The following LPCAT1 variants were observed in gnomAD, a reference collection of about 807,000 sequenced individuals.
LPCAT1 encodes the protein lysophosphatidylcholine acyltransferase 1.
In LPCAT1, 23 loss-of-function variants were observed where a neutral mutation model predicts 60.9. The observed-to-expected ratio is 0.38, with a 90% CI of 0.27 to 0.53. The LOEUF (loss-of-function observed/expected upper bound fraction) is 0.53, where lower values mean the gene tolerates loss of function less well. LPCAT1 is among the 20% of genes least tolerant of loss of function. The pLI, the probability that LPCAT1 is intolerant of heterozygous loss-of-function variation, is 0.82. For synonymous variants in LPCAT1, 340 were observed against 301.1 expected (o/e 1.13, Z -1.34); for missense variants, 622 against 723.6 (o/e 0.86, Z 1.61).
At chr5:1,488,297 C>T in intron 5 of LPCAT1, 94 bp downstream of exon 5, 1 of 748,062 alleles carries the variant, frequency 1.3e-6, no homozygotes, top group Non-Finnish European at 2.2e-6. Flanking sequence ...AAAACAGAAA[C>T]TGTTCTTATG....
At position 1,491,270 on chromosome 5, in the gene LPCAT1, A is replaced by C. The variant is rs202247241; in HGVS notation, c.494-1412T>G. On this transcript the variant is annotated intron_variant, in intron 3 of 13. Coordinates refer to ENST00000283415, the MANE Select transcript of LPCAT1 (RefSeq NM_024830.5). ...TCGCAGGATGGCGCACGCGTCAAAGAAATGGCCCTGATTGCGTGGTCTTTC... is the reference window on the plus strand; with the variant it reads ...TCGCAGGATGGCGCACGCGTCAAAGCAATGGCCCTGATTGCGTGGTCTTTC... 1.9e-3 allele frequency among the ~76,000 whole-genome samples: 186 copies of C among 100,012 alleles called. 1 individual carries two copies. The South Asian group carries it at 0.039, about 21-fold the overall frequency. The allele number at this position is 100,012 out of a possible 152,430, so 65.6% of individuals were successfully genotyped here. A position where few individuals can be genotyped will look rare whatever the true frequency, so the allele number is the denominator to read the frequency against.
At chr5:1,468,887 G>A (rs1245734601) in intron 12 of LPCAT1, among the ~76,000 whole-genome samples, 6 of 152,312 alleles carry the variant, frequency 3.9e-5, no homozygotes, top group South Asian at 2.1e-4. Context: ...TCTCTCACAC[G>A]AGACTGCTCC....
chr5:1,473,288 G>A (rs1373699234), intron 11 of LPCAT1, among the ~76,000 whole-genome samples: 1 of 152,242 alleles, frequency 6.6e-6, no homozygotes, highest in Non-Finnish European at 1.5e-5. Flanking sequence ...AGCTCCTCCA[G>A]GACCACAGTG....
chr5:1,472,155 C>A (rs1734706332), intron 11 of LPCAT1, among the ~76,000 whole-genome samples: 2 of 149,162 alleles, frequency 1.3e-5, no homozygotes, highest in South Asian at 4.3e-4. Context: ...GTGAGGAGCA[C>A]CCAAGGGCAG....
intron 3 of LPCAT1, 37 bp from the exon 4 acceptor site, chr5:1,489,895 C>T (rs373913258): frequency 6.8e-7 from 1 of 1,461,100 alleles, no homozygotes; most frequent in Non-Finnish European, 9.6e-7. Context: ...ACGTGGAATG[C>T]ACGGCTCCCG....
intron 13 of LPCAT1, 109 bp from the exon 14 acceptor site, chr5:1,463,944 G>A (rs1173309488): frequency 1.1e-5 from 13 of 1,139,980 alleles, no homozygotes. Flanking sequence ...CGCCCTCCAG[G>A]GAGGGTTAGA....
Position 1,483,070 on chromosome 5 carries a change from T to C in LPCAT1, c.726+358A>G, listed in dbSNP as rs1442523288. Among the ~76,000 whole-genome samples the C allele has an allele frequency of 6.6e-6, 1 of 151,814 alleles. No homozygotes were observed. The highest frequency in any genetic ancestry group is 1.9e-4 in the East Asian group (1 of 5,154). On this transcript the variant is annotated intron_variant, in intron 6 of 13. Coordinates refer to ENST00000283415, the MANE Select transcript of LPCAT1 (RefSeq NM_024830.5). This position sits in a 1 kb window ranked among gnomAD's most constrained non-coding sequence, Gnocchi z 9.2. ...AGCTGCTGGGGGCCCTGGCCGGTGA[T>C]GTGGGGTGGAGGGGTTCCCTCTCCA... is the stretch of plus-strand genomic sequence containing the variant.
intron 1 of LPCAT1, among the ~76,000 whole-genome samples, chr5:1,504,883 C>T (rs1434743040): frequency 6.6e-6 from 1 of 152,270 alleles, no homozygotes; most frequent in Non-Finnish European, 1.5e-5. Flanking sequence ...CCACGGCAGC[C>T]TCTGCCCACA....
chr5:1,480,193 A>T lies in LPCAT1; in HGVS notation c.762-518T>A, dbSNP rs1417484225. On this transcript the variant is annotated intron_variant, in intron 7 of 13. Coordinates refer to ENST00000283415, the MANE Select transcript of LPCAT1 (RefSeq NM_024830.5). The surrounding 1 kb of genome is among the most constrained non-coding windows in gnomAD (Gnocchi z 6.4). ...CTTTCTGCCCTGTCATGCCAGCCCC[A>T]GCCCTAGGCCCCCGGGACCCCAGAA... 6.7e-6 allele frequency: 2 copies of T among 297,706 alleles called. No individual in the cohort carries two copies. The highest frequency in any genetic ancestry group is 9.9e-6 in the Non-Finnish European group (2 of 202,446). The allele number at this position is 297,706 out of a possible 1,614,324, so 18.4% of individuals were successfully genotyped here.
chr5:1,477,207 G>C lies in LPCAT1; in HGVS notation c.899+197C>G, dbSNP rs1734954271. Among the ~76,000 whole-genome samples the C allele has an allele frequency of 6.6e-6, 1 of 152,246 alleles. No homozygotes were observed. Among genetic ancestry groups the C allele is most frequent in the African/African-American group, 2.4e-5 (1 of 41,450 alleles). ...TCATGCATCTTCCCAACGTCAAAGA[G>C]GGTGAAATGCCATCAGAGGGAAACA... On this transcript the variant is annotated intron_variant, in intron 9 of 13. Coordinates refer to ENST00000283415, the MANE Select transcript of LPCAT1 (RefSeq NM_024830.5). The surrounding 1 kb of genome is among the most constrained non-coding windows in gnomAD (Gnocchi z 6.0).
Position 1,477,547 on chromosome 5 carries a change from AACG to A in LPCAT1, c.817-64_817-62del, listed in dbSNP as rs1734972483. 3.2e-6 allele frequency: 4 copies of A among 1,248,148 alleles called. No individual in the cohort carries two copies. The South Asian group carries it at 4.9e-5, about 15-fold the overall frequency. The allele number at this position is 1,248,148 out of a possible 1,614,324, so 77.3% of individuals were successfully genotyped here. Reference sequence around the variant, plus strand: ...ACGCTGACCTCAGCAACACCACTGTAACGACAACTGGGAGGCTGACAAAATTAA... The same window carrying A: ...ACGCTGACCTCAGCAACACCACTGTAACAACTGGGAGGCTGACAAAATTAA... On this transcript the variant is annotated intron_variant, in intron 8 of 13. Coordinates refer to ENST00000283415, the MANE Select transcript of LPCAT1 (RefSeq NM_024830.5). This position sits in a 1 kb window ranked among gnomAD's most constrained non-coding sequence, Gnocchi z 6.0.
At position 1,483,741 on chromosome 5, in the gene LPCAT1, C is replaced by G. The variant is rs1003474568; in HGVS notation, c.668-255G>C. 1.3e-5 allele frequency among the ~76,000 whole-genome samples: 2 copies of G among 151,538 alleles called. No homozygotes were observed. Among genetic ancestry groups the G allele is most frequent in the Non-Finnish European group, 3.0e-5 (2 of 67,760 alleles). ...ACACTTTCTGTTTTAACATCGCGCA[C>G]GAGCTGGAAGGCGTCTGTGGAGGGA... On this transcript the variant is annotated intron_variant, in intron 5 of 13. Coordinates refer to ENST00000283415, the MANE Select transcript of LPCAT1 (RefSeq NM_024830.5). This position sits in a 1 kb window ranked among gnomAD's most constrained non-coding sequence, Gnocchi z 9.2.
intron 1 of LPCAT1, among the ~76,000 whole-genome samples, chr5:1,509,530 G>A (rs544202627): frequency 1.2e-4 from 19 of 152,192 alleles, no homozygotes; most frequent in African/African-American, 3.6e-4. Context: ...GGACGGAGCC[G>A]GCACTTCCAT....
chr5:1,472,218 C>T (rs1579760504), intron 11 of LPCAT1, among the ~76,000 whole-genome samples: 1 of 148,434 alleles, frequency 6.7e-6, no homozygotes, highest in East Asian at 2.0e-4. Flanking sequence ...CACCCAGGGG[C>T]GGAGGGAGGA....
rs1211870797 is a variant in LPCAT1, at chr5:1,462,042, C to G, written c.*1609G>C. 4 of 152,360 alleles carry G rather than the reference C, an allele frequency of 2.6e-5. No homozygotes were observed. The highest frequency in any genetic ancestry group is 9.7e-5 in the African/African-American group (4 of 41,420). 9.4% of individuals were successfully genotyped at this position (152,360 alleles called of 1,614,324 possible). A position where few individuals can be genotyped will look rare whatever the true frequency, so the allele number is the denominator to read the frequency against. Reference sequence around the variant, plus strand: ...GCAGTGTCCATGCTAAAAAACAAGTCGAGGTGATTGATTGAAACGGAGCTG... The same window carrying G: ...GCAGTGTCCATGCTAAAAAACAAGTGGAGGTGATTGATTGAAACGGAGCTG... On this transcript the variant is annotated 3_prime_UTR_variant, in exon 14 of 14. Coordinates refer to ENST00000283415, the MANE Select transcript of LPCAT1 (RefSeq NM_024830.5).
chr5:1,483,076 G>T lies in LPCAT1; in HGVS notation c.726+352C>A, dbSNP rs778110374. ...TGGGGGCCCTGGCCGGTGATGTGGGGTGGAGGGGTTCCCTCTCCAAAATGT... is the reference window on the plus strand; with the variant it reads ...TGGGGGCCCTGGCCGGTGATGTGGGTTGGAGGGGTTCCCTCTCCAAAATGT... On this transcript the variant is annotated intron_variant, in intron 6 of 13. Coordinates refer to ENST00000283415, the MANE Select transcript of LPCAT1 (RefSeq NM_024830.5). The surrounding 1 kb of genome is among the most constrained non-coding windows in gnomAD (Gnocchi z 9.2). Among the ~76,000 whole-genome samples, 2 of 152,204 alleles carry T rather than the reference G, an allele frequency of 1.3e-5. No individual in the cohort carries two copies. Among genetic ancestry groups the T allele is most frequent in the East Asian group, 1.9e-4 (1 of 5,196 alleles).
chr5:1,507,545 C>A (rs1464939675), intron 1 of LPCAT1, among the ~76,000 whole-genome samples: 1 of 152,242 alleles, frequency 6.6e-6, no homozygotes, highest in Non-Finnish European at 1.5e-5. Context: ...GCCGGGCTTG[C>A]TCCAGGTCAC....
In LPCAT1 at chr5:1,483,307, G is replaced by T. The variant is rs902646932; in HGVS notation, c.726+121C>A. 40 of 1,109,168 alleles carry T rather than the reference G, an allele frequency of 3.6e-5. No homozygotes were observed. The highest frequency in any genetic ancestry group is 5.5e-5 in the Non-Finnish European group (40 of 728,412). The allele number at this position is 1,109,168 out of a possible 1,614,324, so 68.7% of individuals were successfully genotyped here. A position where few individuals can be genotyped will look rare whatever the true frequency, so the allele number is the denominator to read the frequency against. ...CCGGATGGACTCAGCATGGCCAAGT[G>T]TGGGCTGTGGCGCAGATAAAGGGTG... On this transcript the variant is annotated intron_variant, in intron 6 of 13. Transcript: ENST00000283415. This position sits in a 1 kb window ranked among gnomAD's most constrained non-coding sequence, Gnocchi z 9.2.
At chr5:1,463,886 TAGG>T (rs368674393) in intron 13 of LPCAT1, 51 bp from the exon 14 acceptor site, 1 of 1,588,300 alleles carries the variant, frequency 6.3e-7, no homozygotes, top group African/African-American at 1.3e-5. Context: ...AGCAAATGTC[TAGG>T]ATTTGGAGGC....
Sources: allele counts gnomAD v4.1 joint callset (sites outside exome capture counted in the v4.1 genomes callset), GRCh38; gene constraint gnomAD v4.1.1; non-coding constraint Gnocchi (gnomAD v3.1); transcripts MANE v1.5; gene names NCBI Gene and HGNC (gene_info 2026-07-23, HGNC 2026-07-21).